The following RPRD1B variants were observed in gnomAD, a reference collection of about 807,000 sequenced individuals.
RPRD1B encodes the protein regulation of nuclear pre-mRNA domain-containing protein 1B.
A neutral mutation model predicts 41.5 loss-of-function variants in RPRD1B; 11 were observed. The ratio of observed to expected loss-of-function variants is 0.27; its 90% CI spans 0.17 to 0.44. RPRD1B has a LOEUF of 0.44. RPRD1B is among the 20% of genes least tolerant of loss of function. The pLI is 1.00. For missense variants in RPRD1B, 248 were observed against 389.9 expected, an observed-to-expected ratio of 0.64 and a Z score of 3.06; for synonymous variants, 158 against 155.6, an observed-to-expected ratio of 1.02 and a Z score of -0.12.
At chr20:38,080,727 G>A (rs1452335199) in intron 6 of RPRD1B, among the ~76,000 whole-genome samples, 4 of 152,118 alleles carry the variant, frequency 2.6e-5, no homozygotes, top group African/African-American at 9.7e-5. Flanking sequence ...GTTTCCCCAT[G>A]TTGGCCAGCC....
At chr20:38,075,458 CATA>C (rs1040573371) in intron 6 of RPRD1B, among the ~76,000 whole-genome samples, 6 of 152,288 alleles carry the variant, frequency 3.9e-5, no homozygotes, top group African/African-American at 1.4e-4. Context: ...CTTGAGTGAG[CATA>C]ATATTGAGAG....
chr20:38,060,517 A>T (rs1385123784), intron 5 of RPRD1B, among the ~76,000 whole-genome samples: 1 of 152,196 alleles, frequency 6.6e-6, no homozygotes, highest in African/African-American at 2.4e-5. Flanking sequence ...TATTAATGGT[A>T]TTTTAAAGGT....
At chr20:38,085,839 CTTTT>C (rs774430421) in intron 6 of RPRD1B, among the ~76,000 whole-genome samples, 6 of 124,952 alleles carry the variant, frequency 4.8e-5, no homozygotes, top group African/African-American at 6.2e-5. Context: ...TGGAGTCAGT[CTTTT>C]TTTTTTTTTT....
chr20:38,082,208 G>T (rs1197222165), intron 6 of RPRD1B, among the ~76,000 whole-genome samples: 5 of 151,894 alleles, frequency 3.3e-5, no homozygotes, highest in Non-Finnish European at 7.4e-5. Context: ...TTGGTTGGTA[G>T]GTTTTTAAAT....
intron 1 of RPRD1B, among the ~76,000 whole-genome samples, chr20:38,036,655 C>T (rs747179585): frequency 2.0e-5 from 3 of 152,104 alleles, no homozygotes; most frequent in Non-Finnish European, 4.4e-5. Context: ...ATCTAAACAG[C>T]GCTATCCAAT....
intron 5 of RPRD1B, among the ~76,000 whole-genome samples, chr20:38,063,109 G>A (rs569382791): frequency 1.9e-4 from 29 of 152,084 alleles, no homozygotes; most frequent in African/African-American, 6.5e-4. Flanking sequence ...TCCTCCTAGC[G>A]CCTTTGTACT....
chr20:38,034,239 C>G, intron 1 of RPRD1B, 141 bp downstream of exon 1: 1 of 972,250 alleles, frequency 1.0e-6, no homozygotes, highest in Non-Finnish European at 1.5e-6. Flanking sequence ...AAAGTTAGCC[C>G]CATTTCTCGA....
chr20:38,064,827 T>C (rs138232293), intron 5 of RPRD1B, among the ~76,000 whole-genome samples: 3 of 151,982 alleles, frequency 2.0e-5, no homozygotes, highest in Non-Finnish European at 2.9e-5. Context: ...CTACTAAAAA[T>C]ACAAAAAAAT....
chr20:38,051,131 T>G (rs990594552), intron 3 of RPRD1B, among the ~76,000 whole-genome samples: 1 of 152,224 alleles, frequency 6.6e-6, no homozygotes, highest in African/African-American at 2.4e-5. Context: ...GAATTCTGTT[T>G]TAGAACTGGG....
At chr20:38,040,322 C>T in intron 1 of RPRD1B, 113 bp from the exon 2 acceptor site, 1 of 735,320 alleles carries the variant, frequency 1.4e-6, no homozygotes, top group African/African-American at 1.8e-5. Context: ...ACTTGACCCC[C>T]CAGGTAGATA....
intron 6 of RPRD1B, among the ~76,000 whole-genome samples, chr20:38,067,422 T>TA (rs765824541): frequency 2.0e-5 from 3 of 152,038 alleles, no homozygotes; most frequent in Non-Finnish European, 2.9e-5. Flanking sequence ...CCACTCAGAG[T>TA]AGACAAGGGA....
chr20:38,088,629 A>G (rs913591384), intron 6 of RPRD1B, among the ~76,000 whole-genome samples: 1 of 152,212 alleles, frequency 6.6e-6, no homozygotes, highest in Admixed American at 6.5e-5. Flanking sequence ...TTTTCTATAT[A>G]TCTTGGCAGA....
At chr20:38,052,811 A>G (rs897717455) in intron 3 of RPRD1B, among the ~76,000 whole-genome samples, 1 of 140,334 alleles carries the variant, frequency 7.1e-6, no homozygotes, top group African/African-American at 2.7e-5. Flanking sequence ...TGGATCCTCT[A>G]GAAGATCCAG....
At chr20:38,085,656 G>C (rs1446641454) in intron 6 of RPRD1B, 1 of 152,236 alleles carries the variant, frequency 6.6e-6, no homozygotes, top group Admixed American at 6.5e-5. Flanking sequence ...GGTAAGTTGA[G>C]ACACGAGATT....
In RPRD1B at chr20:38,092,104, G is replaced by A; in HGVS notation, c.*2229G>A. On this transcript the variant is annotated 3_prime_UTR_variant, in exon 7 of 7. Transcript: ENST00000373433. The stretch of plus-strand genomic sequence containing the variant: ...TGAGGTGACTTGGTGGGTGGGGTGG[G>A]TGGTTTTTGTTTTTGTGTTTTTTCT... The A allele has an allele frequency of 1.0e-6, 1 of 985,668 alleles. No homozygotes were observed. Among genetic ancestry groups the A allele is most frequent in the Non-Finnish European group, 1.2e-6 (1 of 829,920 alleles). The allele number at this position is 985,668 out of a possible 1,614,324, so 61.1% of individuals were successfully genotyped here. A position where few individuals can be genotyped will look rare whatever the true frequency, so the allele number is the denominator to read the frequency against.
At position 38,091,126 on chromosome 20, in the gene RPRD1B, T is replaced by C; in HGVS notation, c.*1251T>C. The stretch of plus-strand genomic sequence containing the variant: ...CTGCCAATTGTAAATCATTCTAATT[T>C]GGCAGGCTTATTTTTGACATTGGAA... On this transcript the variant is annotated 3_prime_UTR_variant, in exon 7 of 7. Transcript: ENST00000373433. 1.0e-6 allele frequency: 1 copy of C among 985,878 alleles called. No individual in the cohort carries two copies. The highest frequency in any genetic ancestry group is 1.2e-6 in the Non-Finnish European group (1 of 829,926). The allele number at this position is 985,878 out of a possible 1,614,324, so 61.1% of individuals were successfully genotyped here. A position where few individuals can be genotyped will look rare whatever the true frequency, so the allele number is the denominator to read the frequency against.
chr20:38,077,328 C>G (rs1233331688), intron 6 of RPRD1B, among the ~76,000 whole-genome samples: 1 of 152,150 alleles, frequency 6.6e-6, no homozygotes, highest in Non-Finnish European at 1.5e-5. Flanking sequence ...ACTTCAGACT[C>G]ATGTATCTCA....
chr20:38,059,386 T>C lies in RPRD1B; in HGVS notation c.529-8T>C, dbSNP rs777594180. On this transcript the variant is annotated splice_polypyrimidine_tract_variant and splice_region_variant and intron_variant, in intron 4 of 6. Transcript: ENST00000373433. ...ATGGGTAGTGTTGTTTGTGTTTTCA[T>C]CTTACAGACTGAGGAACTAATCAAA... 6 of 1,610,324 alleles carry C rather than the reference T, an allele frequency of 3.7e-6. No homozygotes were observed. In the Admixed American group the frequency reaches 8.4e-5, roughly 23 times the overall value.
In RPRD1B at chr20:38,091,077, T is replaced by G; in HGVS notation, c.*1202T>G. On this transcript the variant is annotated 3_prime_UTR_variant, in exon 7 of 7. Transcript: ENST00000373433. Reference sequence around the variant, plus strand: ...ATAATGTAGTTAGAGACAATTTTTATCTTGCTTATAGTAAAGGTTCAGCCT... The same window carrying G: ...ATAATGTAGTTAGAGACAATTTTTAGCTTGCTTATAGTAAAGGTTCAGCCT... 2 of 985,862 alleles carry G rather than the reference T, an allele frequency of 2.0e-6. No individual in the cohort carries two copies. Among genetic ancestry groups the G allele is most frequent in the Non-Finnish European group, 2.4e-6 (2 of 829,920 alleles). 61.1% of individuals were successfully genotyped at this position (985,862 alleles called of 1,614,324 possible).
Sources: gnomAD v4.1 joint callset for allele counts (sites outside exome capture counted in the v4.1 genomes callset) on GRCh38, gnomAD v4.1.1 for gene constraint, MANE v1.5 for transcripts, NCBI Gene and HGNC (gene_info 2026-07-23, HGNC 2026-07-21) for gene names.